TAFA4: variants seen among roughly 807,000 people sequenced by gnomAD.
TAFA4 encodes the protein TAFA chemokine like family member 4.
TAFA4 carries 20 observed loss-of-function variants against 21.1 expected under a neutral mutation model. The observed-to-expected ratio is 0.95, with a 90% confidence interval of 0.67 to 1.38. The LOEUF (loss-of-function observed/expected upper bound fraction) is 1.38. Ranked by LOEUF, TAFA4 falls within the 40% of genes most tolerant of loss-of-function variation. TAFA4 has a pLI of 0.00. For synonymous variants in TAFA4, 71 were observed against 67.4 expected, an observed-to-expected ratio of 1.05 and a Z score of -0.26; for missense variants, 211 against 180.9, an observed-to-expected ratio of 1.17 and a Z score of -0.95.
intron 3 of TAFA4, among the ~76,000 whole-genome samples, chr3:68,843,692 C>A (rs1422068293): frequency 6.6e-6 from 1 of 152,184 alleles, no homozygotes; most frequent in Non-Finnish European, 1.5e-5. Flanking sequence ...ATACGGTCCA[C>A]CAATACCTAG....
At chr3:68,930,712 CACACT>C (rs1197137384) in intron 1 of TAFA4, among the ~76,000 whole-genome samples, 3 of 152,206 alleles carry the variant, frequency 2.0e-5, no homozygotes, top group Non-Finnish European at 4.4e-5. Flanking sequence ...AAACTGCTCT[CACACT>C]ACCTTATTAA....
At chr3:68,871,039 TAAAA>T (rs1216322247) in intron 3 of TAFA4, among the ~76,000 whole-genome samples, 2 of 152,086 alleles carry the variant, frequency 1.3e-5, no homozygotes, top group Admixed American at 1.3e-4. Flanking sequence ...TGGCGATCAT[TAAAA>T]AGTCAGGAAA....
chr3:68,876,096 TATC>T (rs745567081), intron 3 of TAFA4, among the ~76,000 whole-genome samples: 1 of 152,340 alleles, frequency 6.6e-6, no homozygotes, highest in South Asian at 2.1e-4. Context: ...TCATGGGACT[TATC>T]ATAGTAGGCT....
At chr3:68,899,308 C>G (rs900769437) in intron 1 of TAFA4, among the ~76,000 whole-genome samples, 3 of 151,792 alleles carry the variant, frequency 2.0e-5, no homozygotes, top group Admixed American at 6.6e-5. Flanking sequence ...ACATAGCCAG[C>G]TAAATAAAAT....
chr3:68,829,950 T>C (rs1704343048), intron 3 of TAFA4, among the ~76,000 whole-genome samples: 1 of 152,222 alleles, frequency 6.6e-6, no homozygotes, highest in Non-Finnish European at 1.5e-5. Context: ...ATCCATTTCT[T>C]CTAGATTTTC....
intron 4 of TAFA4, among the ~76,000 whole-genome samples, chr3:68,742,090 A>C (rs1304015177): frequency 6.6e-6 from 1 of 152,224 alleles, no homozygotes; most frequent in African/African-American, 2.4e-5. Flanking sequence ...GATACACCAC[A>C]TTAACAGAAT....
intron 3 of TAFA4, among the ~76,000 whole-genome samples, chr3:68,803,085 A>G (rs1703610644): frequency 6.6e-6 from 1 of 152,178 alleles, no homozygotes; most frequent in South Asian, 2.1e-4. Flanking sequence ...CTCTACTGAA[A>G]ATGTCCTTCG....
At chr3:68,746,822 C>T (rs1185343650) in intron 4 of TAFA4, among the ~76,000 whole-genome samples, 1 of 152,226 alleles carries the variant, frequency 6.6e-6, no homozygotes, top group Non-Finnish European at 1.5e-5. Flanking sequence ...CCCACACAAG[C>T]ATATCCACAT....
At chr3:68,912,236 C>A (rs1013918318) in intron 1 of TAFA4, among the ~76,000 whole-genome samples, 1 of 152,142 alleles carries the variant, frequency 6.6e-6, no homozygotes, top group African/African-American at 2.4e-5. Context: ...ACAGGGAAGA[C>A]CTGAAAACCA....
intron 1 of TAFA4, among the ~76,000 whole-genome samples, chr3:68,916,635 T>C (rs1222382802): frequency 1.3e-5 from 2 of 152,238 alleles, no homozygotes; most frequent in African/African-American, 2.4e-5. Flanking sequence ...TACAAAAATG[T>C]TGTTCTTTTT....
intron 1 of TAFA4, among the ~76,000 whole-genome samples, chr3:68,915,331 A>G (rs887797252): frequency 1.3e-5 from 2 of 152,182 alleles, no homozygotes; most frequent in African/African-American, 4.8e-5. Flanking sequence ...ACAAGCAAAC[A>G]TTATGAGTTA....
chr3:68,748,538 C>T (rs992810725), intron 4 of TAFA4, among the ~76,000 whole-genome samples: 4 of 152,078 alleles, frequency 2.6e-5, no homozygotes, highest in African/African-American at 4.8e-5. Context: ...GTCAGGAGAT[C>T]GAGACCATCC....
At chr3:68,910,612 T>C (rs2089952465) in intron 1 of TAFA4, among the ~76,000 whole-genome samples, 1 of 152,244 alleles carries the variant, frequency 6.6e-6, no homozygotes, top group African/African-American at 2.4e-5. Flanking sequence ...GCAGAATTCA[T>C]TCAACATTCA....
chr3:68,821,386 G>C lies in TAFA4; in HGVS notation c.130+59344C>G, dbSNP rs1356242477. Among the ~76,000 whole-genome samples the C allele has an allele frequency of 3.0e-4, 4 of 13,196 alleles. 2 individuals are homozygous for C. The highest frequency in any genetic ancestry group is 5.0e-4 in the Non-Finnish European group (4 of 8,000). 8.7% of individuals were successfully genotyped at this position (13,196 alleles called of 152,430 possible). A position where few individuals can be genotyped will look rare whatever the true frequency, so the allele number is the denominator to read the frequency against. ...TTTTTTGAGACGGAGTCTCGCTGTCGCCCAGGCTGGAGTGCAGTGGCGCAA... is the reference window on the plus strand; with the variant it reads ...TTTTTTGAGACGGAGTCTCGCTGTCCCCCAGGCTGGAGTGCAGTGGCGCAA... On this transcript the variant is annotated intron_variant, in intron 3 of 5. Transcript: ENST00000295569.
chr3:68,817,268 CT>C (rs1159316725), intron 3 of TAFA4, among the ~76,000 whole-genome samples: 13 of 152,194 alleles, frequency 8.5e-5, no homozygotes, highest in African/African-American at 3.1e-4. Flanking sequence ...GAAGCAACCC[CT>C]CATCCGCTAA....
At chr3:68,885,123 C>A in intron 2 of TAFA4, 52 bp downstream of exon 2, 4 of 1,588,702 alleles carry the variant, frequency 2.5e-6, no homozygotes, top group Non-Finnish European at 3.4e-6. Flanking sequence ...TTGCTAAATT[C>A]TCAATACTTT....
intron 1 of TAFA4, among the ~76,000 whole-genome samples, chr3:68,911,642 A>T (rs2089962666): frequency 6.6e-6 from 1 of 152,224 alleles, no homozygotes; most frequent in South Asian, 2.1e-4. Context: ...ATCGGAGAAC[A>T]AATCAGGAAG....
chr3:68,860,360 C>T (rs1423791843), intron 3 of TAFA4, among the ~76,000 whole-genome samples: 1 of 152,094 alleles, frequency 6.6e-6, no homozygotes, highest in Non-Finnish European at 1.5e-5. Flanking sequence ...AAAAATCTAG[C>T]ATACAAATGA....
intron 1 of TAFA4, among the ~76,000 whole-genome samples, chr3:68,886,347 A>G (rs1008170978): frequency 1.3e-5 from 2 of 152,222 alleles, no homozygotes; most frequent in African/African-American, 4.8e-5. Context: ...AAATAGCTGT[A>G]TAAACACAAG....
Sources: allele counts gnomAD v4.1 joint callset (sites outside exome capture counted in the v4.1 genomes callset), GRCh38; gene constraint gnomAD v4.1.1; transcripts MANE v1.5; gene names NCBI Gene and HGNC (gene_info 2026-07-23, HGNC 2026-07-21).